The following MDGA2 variants were observed in gnomAD, a reference collection of about 807,000 sequenced individuals.
The protein encoded by MDGA2 is MAM domain containing glycosylphosphatidylinositol anchor 2, also known as MAM domain-containing glycosylphosphatidylinositol anchor protein 2.
MDGA2 carries 40 observed loss-of-function variants against 117.8 expected under a neutral mutation model. The ratio of observed to expected loss-of-function variants is 0.34; its 90% CI spans 0.26 to 0.44. The LOEUF (loss-of-function observed/expected upper bound fraction) is 0.44, where lower values mean the gene tolerates loss of function less well. Among genes scored for constraint, MDGA2 ranks in the 20% least tolerant of loss-of-function variants. The pLI is 1.00. For missense variants in MDGA2, 1,123 were observed against 1,250.6 expected, an observed-to-expected ratio of 0.90 and a Z score of 1.54; for synonymous variants, 452 against 439.0, an observed-to-expected ratio of 1.03 and a Z score of -0.37.
chr14:47,157,356 G>T (rs143594608), intron 3 of MDGA2, among the ~76,000 whole-genome samples: 175 of 152,148 alleles, frequency 1.2e-3, no homozygotes, highest in African/African-American at 3.9e-3. Context: ...ACACAAATTA[G>T]AATCCATTGC....
chr14:47,043,426 T>A (rs2138687929), intron 7 of MDGA2, among the ~76,000 whole-genome samples: 1 of 152,202 alleles, frequency 6.6e-6, no homozygotes, highest in Non-Finnish European at 1.5e-5. Flanking sequence ...GGTGGTGGTT[T>A]GAAAATATGC....
At chr14:47,377,508 C>T (rs112663498) in intron 1 of MDGA2, among the ~76,000 whole-genome samples, 15,724 of 152,056 alleles carry the variant, frequency 0.1, 1,063 homozygotes, top group Non-Finnish European at 0.13. Flanking sequence ...CGGGACACTC[C>T]CACCCTAATA....
Position 46,941,439 on chromosome 14 carries a change from T to A in MDGA2, c.2089+15935A>T, listed in dbSNP as rs370757503. On this transcript the variant is annotated intron_variant, in intron 9 of 16. Coordinates refer to ENST00000399232, the MANE Select transcript of MDGA2 (RefSeq NM_001113498.3). ...CAGGCTGTGGGCTATCATCTGTGGA[T>A]TCTCTCTCCTGACCACTCTTAGTTT... 1.1e-3 allele frequency among the ~76,000 whole-genome samples: 173 copies of A among 152,294 alleles called. 1 individual carries two copies. Among genetic ancestry groups the A allele is most frequent in the African/African-American group, 4.0e-3 (166 of 41,562 alleles).
chr14:46,939,956 T>C (rs977038575), intron 9 of MDGA2, among the ~76,000 whole-genome samples: 1 of 152,162 alleles, frequency 6.6e-6, no homozygotes, highest in African/African-American at 2.4e-5. Flanking sequence ...GTATTACTCT[T>C]GCTACGACTC....
At position 47,133,759 on chromosome 14, in the gene MDGA2, C is replaced by T. The variant is rs888508917; in HGVS notation, c.793-1913G>A. ...CCTTCTGTAATAATGGGAATTTACACCCAATTATAACTTCTTATTCATACA... is the reference window on the plus strand; with the variant it reads ...CCTTCTGTAATAATGGGAATTTACATCCAATTATAACTTCTTATTCATACA... On this transcript the variant is annotated intron_variant, in intron 4 of 16. Coordinates refer to ENST00000399232, the MANE Select transcript of MDGA2 (RefSeq NM_001113498.3). 6.6e-5 allele frequency among the ~76,000 whole-genome samples: 10 copies of T among 152,100 alleles called. 1 individual carries two copies. The South Asian group carries it at 1.7e-3, about 25-fold the overall frequency.
At position 46,980,211 on chromosome 14, in the gene MDGA2, T is replaced by C. The variant is rs1886618274; in HGVS notation, c.1820-22568A>G. ...AACACTAACAGGAGTTTGGAAAAAG[T>C]TGATCCCAACACTCATGGAAAACTT... On this transcript the variant is annotated intron_variant, in intron 8 of 16. Transcript: ENST00000399232. Among the ~76,000 whole-genome samples the C allele has an allele frequency of 2.0e-5, 3 of 152,158 alleles. 1 individual carries two copies. The South Asian group carries it at 6.2e-4, about 31-fold the overall frequency.
At chr14:47,027,791 G>A (rs541932368) in intron 8 of MDGA2, among the ~76,000 whole-genome samples, 1 of 151,864 alleles carries the variant, frequency 6.6e-6, no homozygotes, top group South Asian at 2.1e-4. Context: ...CGCCCAGAAT[G>A]TCAGGAGCAG....
chr14:47,610,211 A>C (rs1229365336), intron 1 of MDGA2, among the ~76,000 whole-genome samples: 1 of 152,106 alleles, frequency 6.6e-6, no homozygotes, highest in African/African-American at 2.4e-5. Context: ...CTACCAACAT[A>C]ATACTGAATG....
intron 1 of MDGA2, among the ~76,000 whole-genome samples, chr14:47,354,507 A>G (rs1890950494): frequency 6.6e-6 from 1 of 152,166 alleles, no homozygotes; most frequent in African/African-American, 2.4e-5. Flanking sequence ...GTCCATTTTT[A>G]TACATGTGAC....
chr14:46,966,670 A>G (rs1433445053), intron 8 of MDGA2, among the ~76,000 whole-genome samples: 1 of 152,134 alleles, frequency 6.6e-6, no homozygotes, highest in Non-Finnish European at 1.5e-5. Flanking sequence ...AAATGTCTGA[A>G]GGTAAAAGTG....
intron 9 of MDGA2, among the ~76,000 whole-genome samples, chr14:46,939,112 G>A (rs528103453): frequency 7.2e-5 from 11 of 152,234 alleles, no homozygotes; most frequent in Non-Finnish European, 1.3e-4. Flanking sequence ...AGCCTGGTGG[G>A]GGGGTAGTTG....
chr14:47,116,365 C>A (rs1397639075), intron 5 of MDGA2, among the ~76,000 whole-genome samples: 1 of 151,876 alleles, frequency 6.6e-6, no homozygotes, highest in Non-Finnish European at 1.5e-5. Context: ...TCAATGAAAT[C>A]TCATTTAATA....
intron 1 of MDGA2, among the ~76,000 whole-genome samples, chr14:47,522,328 T>A (rs1894885140): frequency 7.6e-6 from 1 of 131,980 alleles, no homozygotes; most frequent in South Asian, 2.8e-4. Context: ...TATATATTTG[T>A]GTATGTGTGT....
chr14:47,524,174 C>T (rs1042149350), intron 1 of MDGA2, among the ~76,000 whole-genome samples: 1 of 152,154 alleles, frequency 6.6e-6, no homozygotes, highest in African/African-American at 2.4e-5. Flanking sequence ...CGTAAGCCAA[C>T]CCTTCAGCCT....
chr14:47,640,782 A>G (rs1375463506), intron 1 of MDGA2, among the ~76,000 whole-genome samples: 1 of 152,102 alleles, frequency 6.6e-6, no homozygotes, highest in Non-Finnish European at 1.5e-5. Flanking sequence ...TTTTACAAAG[A>G]CTTAAACATA....
At chr14:47,356,933 T>C (rs10134155) in intron 1 of MDGA2, among the ~76,000 whole-genome samples, 26,395 of 152,166 alleles carry the variant, frequency 0.17, 2,727 homozygotes, top group South Asian at 0.33. Flanking sequence ...CCCTGCATAT[T>C]GCAGACTATC....
chr14:47,560,354 A>G (rs1383555463), intron 1 of MDGA2, among the ~76,000 whole-genome samples: 1 of 152,042 alleles, frequency 6.6e-6, no homozygotes, highest in African/African-American at 2.4e-5. Flanking sequence ...TACAGGCGTT[A>G]GCCACCGCGC....
At chr14:47,204,353 T>C (rs1885609772) in intron 3 of MDGA2, among the ~76,000 whole-genome samples, 1 of 152,130 alleles carries the variant, frequency 6.6e-6, no homozygotes, top group African/African-American at 2.4e-5. Flanking sequence ...TGTTGATTTA[T>C]GCATATATGT....
rs1016997159 is a variant in MDGA2 at position 47,674,768 on chromosome 14, C to A, written c.29G>T (p.Arg10Leu). 7 of 695,522 alleles carry A rather than the reference C, an allele frequency of 1.0e-5. No individual in the cohort carries two copies. The highest frequency in any genetic ancestry group is 1.8e-5 in the African/African-American group (1 of 56,030). The allele number at this position is 695,522 out of a possible 1,614,324, so 43.1% of individuals were successfully genotyped here. A position where few individuals can be genotyped will look rare whatever the true frequency, so the allele number is the denominator to read the frequency against. ...TCCCCGGCGGCGGCGGCGAGCGGAG[C>A]GCAGGAGCCCCGCACTCCACACACT... Reference protein sequence around the residue: MSVWSAGLLRSARRRRRGRT... With the variant: MSVWSAGLLLSARRRRRGRT... Residue 10 changes from arginine to leucine, a missense_variant, in exon 1 of 17, where the codon CGC (arginine) becomes CTC (leucine). Arg to Leu is a moderately radical substitution (Grantham distance 102). Coordinates refer to ENST00000399232, the MANE Select transcript of MDGA2 (RefSeq NM_001113498.3).
Sources: gnomAD v4.1 joint callset for allele counts (sites outside exome capture counted in the v4.1 genomes callset) on GRCh38, gnomAD v4.1.1 for gene constraint, MANE v1.5 for transcripts, NCBI Gene and HGNC (gene_info 2026-07-23, HGNC 2026-07-21) for gene names.